The following CDH13 variants were observed in gnomAD, a reference collection of about 807,000 sequenced individuals.
The protein encoded by CDH13 is cadherin 13, also known as cadherin-13.
In CDH13, 24 loss-of-function variants were observed where a neutral mutation model predicts 63.8. That is an observed-to-expected ratio of 0.38 (90% CI 0.27 to 0.53). The LOEUF is 0.53. Ranked by LOEUF, CDH13 falls within the 20% of genes least tolerant of loss-of-function variation. The pLI, the probability that CDH13 is intolerant of heterozygous loss-of-function variation, is 0.85. For missense variants in CDH13, 1,049 were observed against 903.1 expected (o/e 1.16, Z -2.07); for synonymous variants, 503 against 355.3 (o/e 1.42, Z -4.67).
At chr16:83,109,260 A>G (rs1051555592) in intron 3 of CDH13, among the ~76,000 whole-genome samples, 3 of 152,122 alleles carry the variant, frequency 2.0e-5, no homozygotes, top group African/African-American at 7.2e-5. Flanking sequence ...CCCAGGTGGA[A>G]TCTGTAGGAC....
At chr16:83,140,342 G>C (rs141207088) in intron 4 of CDH13, among the ~76,000 whole-genome samples, 13 of 152,302 alleles carry the variant, frequency 8.5e-5, no homozygotes, top group African/African-American at 3.1e-4. Context: ...ATCAACACGT[G>C]GTATGGCAGA....
At chr16:83,252,795 C>A (rs1905740272) in intron 5 of CDH13, among the ~76,000 whole-genome samples, 1 of 151,936 alleles carries the variant, frequency 6.6e-6, no homozygotes, top group Admixed American at 6.6e-5. Context: ...CACAGCCTGC[C>A]CCCCACCCCA....
chr16:83,752,818 C>A (rs1323278914), intron 11 of CDH13, among the ~76,000 whole-genome samples: 2 of 152,192 alleles, frequency 1.3e-5, no homozygotes, highest in Admixed American at 6.5e-5. Flanking sequence ...GATTCTCCAT[C>A]AAAAGCCATA....
intron 5 of CDH13, among the ~76,000 whole-genome samples, chr16:83,261,996 C>T (rs896260691): frequency 5.9e-5 from 9 of 152,230 alleles, no homozygotes; most frequent in South Asian, 4.2e-4. Context: ...TTAATTCAAC[C>T]GTAACCTGTG....
At chr16:82,776,642 TTC>T (rs1397718687) in intron 1 of CDH13, among the ~76,000 whole-genome samples, 1 of 152,210 alleles carries the variant, frequency 6.6e-6, no homozygotes, top group African/African-American at 2.4e-5. Context: ...TAAACGCATG[TTC>T]TGTTTTTTGT....
intron 10 of CDH13, among the ~76,000 whole-genome samples, chr16:83,695,114 G>A (rs1009350732): frequency 4.6e-5 from 7 of 152,130 alleles, no homozygotes; most frequent in Admixed American, 1.3e-4. Context: ...GGCTAAGGCA[G>A]GAGAATCGCT....
chr16:83,503,477 A>G (rs2074330303), intron 7 of CDH13, among the ~76,000 whole-genome samples: 2 of 152,132 alleles, frequency 1.3e-5, no homozygotes, highest in African/African-American at 4.8e-5. Context: ...CGGAAGGGGA[A>G]GAGAAACAGG....
chr16:82,823,241 G>A (rs947748338), intron 1 of CDH13: 5 of 152,270 alleles, frequency 3.3e-5, no homozygotes, highest in African/African-American at 1.2e-4. Flanking sequence ...TTCAAGAAAA[G>A]TGGGGCAGCA....
intron 7 of CDH13, among the ~76,000 whole-genome samples, chr16:83,574,682 C>A (rs918306163): frequency 1.3e-5 from 2 of 152,212 alleles, no homozygotes; most frequent in African/African-American, 4.8e-5. Flanking sequence ...TCCTTCTCTT[C>A]CCCTCCCACT....
intron 1 of CDH13, among the ~76,000 whole-genome samples, chr16:82,706,745 G>A (rs1370927558): frequency 2.0e-5 from 3 of 151,818 alleles, no homozygotes; most frequent in South Asian, 2.1e-4. Context: ...CGGAGGTTGC[G>A]GTGAGCTGAG....
chr16:83,309,249 T>C (rs780615951), intron 5 of CDH13, among the ~76,000 whole-genome samples: 7 of 152,182 alleles, frequency 4.6e-5, no homozygotes, highest in Non-Finnish European at 8.8e-5. Flanking sequence ...AAGGTGGAAA[T>C]TGAATTTGGG....
chr16:83,426,640 G>A (rs1282380369), intron 6 of CDH13, among the ~76,000 whole-genome samples: 1 of 151,996 alleles, frequency 6.6e-6, no homozygotes, highest in African/African-American at 2.4e-5. Context: ...ATCCAACATG[G>A]ACTGCTGTGC....
At chr16:83,155,165 A>G (rs190207410) in intron 4 of CDH13, among the ~76,000 whole-genome samples, 118 of 152,362 alleles carry the variant, frequency 7.7e-4, no homozygotes, top group African/African-American at 2.7e-3. Flanking sequence ...TTTGGCAAAG[A>G]CAAGTAGTCT....
At chr16:83,601,246 T>C (rs1907763180) in intron 7 of CDH13, among the ~76,000 whole-genome samples, 1 of 152,120 alleles carries the variant, frequency 6.6e-6, no homozygotes, top group South Asian at 2.1e-4. Flanking sequence ...AATGGTATGA[T>C]TGTGGACCAA....
At chr16:83,109,553 C>G (rs57154009) in intron 3 of CDH13, among the ~76,000 whole-genome samples, 15,335 of 152,086 alleles carry the variant, frequency 0.1, 887 homozygotes, top group African/African-American at 0.15. Context: ...TTTCCAAGTG[C>G]GGGTTTTCTA....
rs1385662564 is a variant in CDH13, at chr16:83,556,750, C to A, written c.961-45704C>A. Among the ~76,000 whole-genome samples the A allele has an allele frequency of 2.6e-5, 4 of 152,316 alleles. No individual in the cohort carries two copies. In the South Asian group the frequency reaches 8.3e-4, roughly 32 times the overall value. ...GGCCTGGCTTCGATAACTTACCTAACAGAGAGGTAATCTTTTCATGGGGCA... is the reference window on the plus strand; with the variant it reads ...GGCCTGGCTTCGATAACTTACCTAAAAGAGAGGTAATCTTTTCATGGGGCA... On this transcript the variant is annotated intron_variant, in intron 7 of 13. Coordinates refer to ENST00000567109, the MANE Select transcript of CDH13 (RefSeq NM_001257.5).
At chr16:83,291,288 T>G (rs1194704478) in intron 5 of CDH13, among the ~76,000 whole-genome samples, 2 of 152,132 alleles carry the variant, frequency 1.3e-5, no homozygotes, top group African/African-American at 4.8e-5. Context: ...ACGTAGTAAA[T>G]ATATTCAGGG....
chr16:83,651,720 C>G (rs1912398266), intron 8 of CDH13, among the ~76,000 whole-genome samples: 1 of 151,278 alleles, frequency 6.6e-6, no homozygotes, highest in African/African-American at 2.4e-5. Context: ...CTCAGCCTCC[C>G]AAGTAGCTGG....
intron 7 of CDH13, 145 bp from the exon 8 acceptor site, chr16:83,602,309 T>C (rs1211770663): frequency 3.7e-6 from 3 of 805,896 alleles, no homozygotes; most frequent in East Asian, 2.4e-5. Context: ...TTATACACAA[T>C]AGGTAAAAAT....
Sources: gnomAD v4.1 joint callset for allele counts (sites outside exome capture counted in the v4.1 genomes callset) on GRCh38, gnomAD v4.1.1 for gene constraint, MANE v1.5 for transcripts, NCBI Gene and HGNC (gene_info 2026-07-23, HGNC 2026-07-21) for gene names.